The following CNTNAP5 variants were observed in gnomAD, a reference collection of about 807,000 sequenced individuals.
CNTNAP5 encodes contactin associated protein family member 5.
A neutral mutation model predicts 150.2 loss-of-function variants in CNTNAP5; 72 were observed. The ratio of observed to expected loss-of-function variants is 0.48; its 90% CI spans 0.40 to 0.58. CNTNAP5 has a LOEUF of 0.58. Among genes scored for constraint, CNTNAP5 ranks in the 20% least tolerant of loss-of-function variants. CNTNAP5 has a pLI of 0.00. For synonymous variants in CNTNAP5, 672 were observed against 619.8 expected (o/e 1.08, Z -1.25); for missense variants, 1,636 against 1,626.2 (o/e 1.01, Z -0.10).
intron 19 of CNTNAP5, among the ~76,000 whole-genome samples, chr2:124,820,342 G>C (rs540738955): frequency 5.9e-5 from 9 of 152,148 alleles, no homozygotes; most frequent in South Asian, 2.1e-4. Context: ...CACATTGAGA[G>C]AATGATGGTT....
intron 3 of CNTNAP5, among the ~76,000 whole-genome samples, chr2:124,309,696 G>T (rs1201473034): frequency 6.6e-6 from 1 of 152,198 alleles, no homozygotes; most frequent in East Asian, 1.9e-4. Flanking sequence ...CCAGAGCGGT[G>T]CCTCCCCTGA....
intron 10 of CNTNAP5, among the ~76,000 whole-genome samples, chr2:124,560,928 CA>C (rs1427903505): frequency 6.6e-6 from 1 of 150,580 alleles, no homozygotes; most frequent in African/African-American, 2.4e-5. Context: ...TTTCAGCCAC[CA>C]AAAAAAGTCA....
chr2:124,795,417 C>T lies in CNTNAP5; in HGVS notation c.2993-2679C>T, dbSNP rs142238106. ...TCTCAGGAGGCTCTGCTCTCAGAGA[C>T]ATCCAGCTCTGGAAAATATTGTCTC... On this transcript the variant is annotated intron_variant, in intron 18 of 23. Coordinates refer to ENST00000682447, the MANE Select transcript of CNTNAP5 (RefSeq NM_001367498.1). 5.3e-5 allele frequency among the ~76,000 whole-genome samples: 8 copies of T among 152,324 alleles called. No individual in the cohort carries two copies. In the East Asian group the frequency reaches 1.5e-3, roughly 29 times the overall value.
intron 2 of CNTNAP5, among the ~76,000 whole-genome samples, chr2:124,239,304 A>G (rs1326060155): frequency 2.0e-5 from 3 of 152,082 alleles, no homozygotes; most frequent in Non-Finnish European, 4.4e-5. Flanking sequence ...TCTTCATGTA[A>G]GTTCTTATCA....
At chr2:124,792,955 A>G (rs185069289) in intron 18 of CNTNAP5, among the ~76,000 whole-genome samples, 3 of 152,146 alleles carry the variant, frequency 2.0e-5, no homozygotes, top group Non-Finnish European at 4.4e-5. Context: ...GGATGTTGGG[A>G]TGGTTTCATT....
chr2:124,053,430 G>C (rs1558739064), intron 1 of CNTNAP5, among the ~76,000 whole-genome samples: 1 of 152,272 alleles, frequency 6.6e-6, no homozygotes, highest in Non-Finnish European at 1.5e-5. Context: ...TCAACCACGA[G>C]GACAAAGGTT....
intron 13 of CNTNAP5, among the ~76,000 whole-genome samples, chr2:124,670,179 C>CCTTCCATCCTT (rs1324431370): frequency 5.6e-5 from 5 of 90,072 alleles, no homozygotes; most frequent in Non-Finnish European, 1.2e-4. Context: ...CTTCCTTCCT[C>CCTTCCATCCTT]CCTCTCTTTC....
intron 12 of CNTNAP5, among the ~76,000 whole-genome samples, chr2:124,637,629 A>G (rs1485533632): frequency 6.6e-6 from 1 of 152,102 alleles, no homozygotes; most frequent in Non-Finnish European, 1.5e-5. Flanking sequence ...TCCTCCCAAT[A>G]TGGTAGGGAT....
At chr2:124,894,281 T>C (rs1196816891) in intron 21 of CNTNAP5, among the ~76,000 whole-genome samples, 1 of 151,904 alleles carries the variant, frequency 6.6e-6, no homozygotes, top group Non-Finnish European at 1.5e-5. Flanking sequence ...TCACAACTTA[T>C]AATTCTTCAT....
intron 18 of CNTNAP5, 138 bp downstream of exon 18, chr2:124,790,279 C>A: frequency 2.2e-6 from 2 of 923,136 alleles, no homozygotes; most frequent in Non-Finnish European, 3.2e-6. Flanking sequence ...CATAGTTCTT[C>A]AACGTAATTG....
intron 8 of CNTNAP5, among the ~76,000 whole-genome samples, chr2:124,510,016 A>T (rs1233135546): frequency 6.6e-6 from 1 of 151,980 alleles, no homozygotes; most frequent in Non-Finnish European, 1.5e-5. Context: ...AGCCTCACCA[A>T]CATGGTGAAA....
At chr2:124,184,992 T>C (rs541385481) in intron 1 of CNTNAP5, among the ~76,000 whole-genome samples, 67 of 152,324 alleles carry the variant, frequency 4.4e-4, no homozygotes, top group Middle Eastern at 6.8e-3. Context: ...TATTCGTGTT[T>C]GTATAATGAT....
chr2:124,521,543 G>T (rs562981209), intron 8 of CNTNAP5, among the ~76,000 whole-genome samples: 93 of 152,252 alleles, frequency 6.1e-4, no homozygotes, highest in Non-Finnish European at 9.6e-4. Context: ...TCAGGCCAGT[G>T]CCATCTGTAA....
In CNTNAP5 at chr2:124,503,523, C is replaced by T. The variant is rs548161353; in HGVS notation, c.1063-769C>T. Among the ~76,000 whole-genome samples, 9 of 152,258 alleles carry T rather than the reference C, an allele frequency of 5.9e-5. No individual in the cohort carries two copies. The South Asian group carries it at 1.7e-3, about 28-fold the overall frequency. ...TGGGTTCGATGCACACTTAATATTC[C>T]CCATGACCAGTCCTTTCATCTACTC... On this transcript the variant is annotated intron_variant, in intron 7 of 23. Coordinates refer to ENST00000682447, the MANE Select transcript of CNTNAP5 (RefSeq NM_001367498.1).
intron 13 of CNTNAP5, among the ~76,000 whole-genome samples, chr2:124,703,122 C>T (rs984803271): frequency 6.7e-6 from 1 of 150,014 alleles, no homozygotes; most frequent in Non-Finnish European, 1.5e-5. Flanking sequence ...TCCCTCCCTC[C>T]CTCCCTGTCT....
At chr2:124,142,361 C>T (rs1162523585) in intron 1 of CNTNAP5, among the ~76,000 whole-genome samples, 3 of 150,448 alleles carry the variant, frequency 2.0e-5, no homozygotes, top group Non-Finnish European at 4.4e-5. Flanking sequence ...CACACCACAC[C>T]TATTCCAAAA....
At chr2:124,391,579 T>A (rs1233049661) in intron 3 of CNTNAP5, among the ~76,000 whole-genome samples, 1 of 152,208 alleles carries the variant, frequency 6.6e-6, no homozygotes, top group Non-Finnish European at 1.5e-5. Flanking sequence ...GTCTTTTGTT[T>A]TAACTCTTGT....
Position 124,537,392 on chromosome 2 carries a change from G to A in CNTNAP5, c.1649+9936G>A, listed in dbSNP as rs936138460. The stretch of plus-strand genomic sequence containing the variant: ...GAAGAGAAGGGCTGTGGAACACCTC[G>A]GTGCCTCACGGGTTATCATCCCTAT... On this transcript the variant is annotated intron_variant, in intron 10 of 23. Coordinates refer to ENST00000682447, the MANE Select transcript of CNTNAP5 (RefSeq NM_001367498.1). Among the ~76,000 whole-genome samples the A allele has an allele frequency of 4.6e-5, 7 of 152,106 alleles. No homozygotes were observed. The South Asian group carries it at 8.3e-4, about 18-fold the overall frequency.
chr2:124,222,745 A>G (rs906559104), intron 2 of CNTNAP5, among the ~76,000 whole-genome samples: 1 of 148,930 alleles, frequency 6.7e-6, no homozygotes, highest in African/African-American at 2.5e-5. Flanking sequence ...TTTTTTTTAC[A>G]CGCTAACTAA....
Sources: allele counts gnomAD v4.1 joint callset (sites outside exome capture counted in the v4.1 genomes callset), GRCh38; gene constraint gnomAD v4.1.1; transcripts MANE v1.5; gene names NCBI Gene and HGNC (gene_info 2026-07-23, HGNC 2026-07-21).